Variants in ZNF492 observed in about 807,000 individuals in gnomAD.
The protein encoded by ZNF492 is zinc finger protein 492, also known as zinc finger protein 115 (Y20).
In ZNF492, 3 loss-of-function variants were observed where a neutral mutation model predicts 6.4. That is an observed-to-expected ratio of 0.47 (90% CI 0.21 to 1.22). ZNF492 has a LOEUF of 1.22. Among genes scored for constraint, ZNF492 ranks in the 50% most tolerant of loss-of-function variants. The pLI, the probability that ZNF492 is intolerant of heterozygous loss-of-function variation, is 0.22. For synonymous variants in ZNF492, 112 were observed against 205.3 expected (o/e 0.55, Z 3.89); for missense variants, 356 against 612.5 (o/e 0.58, Z 4.42).
In ZNF492 at chr19:22,667,435, A is replaced by G. The variant is rs1049889499; in HGVS notation, c.*2170A>G. ...TTCAGGCATATAATATTTATGTTAT[A>G]TATGGCATATTCTGATAAGAGGCAT... is the stretch of plus-strand genomic sequence containing the variant. On this transcript the variant is annotated 3_prime_UTR_variant, in exon 4 of 4. Transcript: ENST00000456783. 7.2e-5 allele frequency: 11 copies of G among 152,028 alleles called. No homozygotes were observed. The highest frequency in any genetic ancestry group is 1.5e-4 in the Non-Finnish European group (10 of 68,012). The allele number at this position is 152,028 out of a possible 1,614,324, so 9.4% of individuals were successfully genotyped here.
chr19:22,640,226 G>A (rs985137930), intron 1 of ZNF492, among the ~76,000 whole-genome samples: 5 of 151,554 alleles, frequency 3.3e-5, no homozygotes, highest in Non-Finnish European at 4.4e-5. Flanking sequence ...GCAGTGGCGC[G>A]ATCTCAGCTC....
At chr19:22,661,923 T>C (rs532212015) in intron 3 of ZNF492, among the ~76,000 whole-genome samples, 95 of 152,250 alleles carry the variant, frequency 6.2e-4, no homozygotes, top group African/African-American at 2.1e-3. Flanking sequence ...CTTGCTATAA[T>C]TGTTTCCTGT....
At chr19:22,637,416 C>T (rs906081759) in intron 1 of ZNF492, among the ~76,000 whole-genome samples, 1 of 152,102 alleles carries the variant, frequency 6.6e-6, no homozygotes, top group African/African-American at 2.4e-5. Flanking sequence ...CTTTAGCCCC[C>T]CAAGTAGCTG....
intron 1 of ZNF492, among the ~76,000 whole-genome samples, chr19:22,649,351 A>AC (rs1317924684): frequency 1.3e-5 from 2 of 151,970 alleles, no homozygotes; most frequent in Non-Finnish European, 2.9e-5. Flanking sequence ...CTGTCTGACT[A>AC]CCCTTAACAT....
chr19:22,643,296 A>G (rs1034682571), intron 1 of ZNF492, among the ~76,000 whole-genome samples: 4 of 152,270 alleles, frequency 2.6e-5, no homozygotes, highest in African/African-American at 9.6e-5. Context: ...AATAAAAAAA[A>G]TAAATAAGTG....
At chr19:22,651,395 A>G (rs1353635036) in intron 1 of ZNF492, among the ~76,000 whole-genome samples, 2 of 151,934 alleles carry the variant, frequency 1.3e-5, no homozygotes, top group African/African-American at 2.4e-5. Flanking sequence ...TTTAAGCTAA[A>G]CATGTCTCAG....
intron 1 of ZNF492, among the ~76,000 whole-genome samples, chr19:22,642,126 T>C (rs1029775489): frequency 6.6e-6 from 1 of 152,262 alleles, no homozygotes; most frequent in East Asian, 1.9e-4. Flanking sequence ...CATCTTTCTC[T>C]CTTCTGCTTT....
intron 3 of ZNF492, among the ~76,000 whole-genome samples, chr19:22,655,155 G>A (rs547139984): frequency 2.0e-5 from 3 of 151,614 alleles, no homozygotes; most frequent in Non-Finnish European, 2.9e-5. Flanking sequence ...TTAGTCAGGC[G>A]TGGTGACAGG....
rs1257733815 is a variant in ZNF492, at chr19:22,634,380, C to T, written c.-188C>T. Reference sequence around the variant, plus strand: ...TCTAGTGTTCGCTGTTCTGCGTCCTCTGGTCCTAGAGGCCCATCCTCTGTG... The same window carrying T: ...TCTAGTGTTCGCTGTTCTGCGTCCTTTGGTCCTAGAGGCCCATCCTCTGTG... On this transcript the variant is annotated 5_prime_UTR_variant, in exon 1 of 4. Coordinates refer to ENST00000456783, the MANE Select transcript of ZNF492 (RefSeq NM_020855.3). 2.4e-6 allele frequency: 3 copies of T among 1,232,464 alleles called. No homozygotes were observed. The highest frequency in any genetic ancestry group is 2.7e-5 in the East Asian group (1 of 37,334). The allele number at this position is 1,232,464 out of a possible 1,614,324, so 76.3% of individuals were successfully genotyped here.
rs550726600 is a variant in ZNF492 at position 22,647,985 on chromosome 19, C to T, written c.-93-5322C>T. 1.6e-4 allele frequency among the ~76,000 whole-genome samples: 25 copies of T among 152,140 alleles called. No individual in the cohort carries two copies. In the South Asian group the frequency reaches 4.6e-3, roughly 28 times the overall value. Reference sequence around the variant, plus strand: ...CTGATTTCAGGTGATTTGCCTGCCTCGGCCTCCCAAAATGCTGGGATTACA... The same window carrying T: ...CTGATTTCAGGTGATTTGCCTGCCTTGGCCTCCCAAAATGCTGGGATTACA... On this transcript the variant is annotated intron_variant, in intron 1 of 3. Coordinates refer to ENST00000456783, the MANE Select transcript of ZNF492 (RefSeq NM_020855.3).
intron 3 of ZNF492, 31 bp downstream of exon 3, chr19:22,654,046 T>C (rs3745117): frequency 0.14 from 171,558 of 1,246,212 alleles, 8,804 homozygotes; most frequent in Middle Eastern, 0.18. Flanking sequence ...ATACAACAGA[T>C]GACACAGATG....
chr19:22,658,389 G>T (rs1171210720), intron 3 of ZNF492, among the ~76,000 whole-genome samples: 1 of 151,410 alleles, frequency 6.6e-6, no homozygotes, highest in East Asian at 1.9e-4. Context: ...CCCCAGCTTG[G>T]GTGACAGAGT....
At chr19:22,639,438 C>T (rs1452884689) in intron 1 of ZNF492, among the ~76,000 whole-genome samples, 3 of 151,752 alleles carry the variant, frequency 2.0e-5, no homozygotes, top group Non-Finnish European at 2.9e-5. Context: ...AGGCCTGGCG[C>T]GGTGGCTCAC....
intron 1 of ZNF492, among the ~76,000 whole-genome samples, chr19:22,636,881 G>A (rs1456351703): frequency 1.8e-5 from 2 of 111,884 alleles, no homozygotes; most frequent in Non-Finnish European, 3.5e-5. Flanking sequence ...TGATCTGCCT[G>A]CCTCGGCCTC....
rs1972145139 is a variant in ZNF492, at chr19:22,667,609, TTA to T, written c.*2349_*2350del. The T allele has an allele frequency of 6.6e-6, 1 of 151,954 alleles. No individual in the cohort carries two copies. The highest frequency in any genetic ancestry group is 2.1e-4 in the South Asian group (1 of 4,828). The allele number at this position is 151,954 out of a possible 1,614,324, so 9.4% of individuals were successfully genotyped here. A position where few individuals can be genotyped will look rare whatever the true frequency, so the allele number is the denominator to read the frequency against. ...TACAGGGTTATTTTTATAATAAAAA[TTA>T]TATACAAGTATAAAATTTACACATT... On this transcript the variant is annotated 3_prime_UTR_variant, in exon 4 of 4. Transcript: ENST00000456783.
chr19:22,662,198 C>T (rs1434860611), intron 3 of ZNF492, among the ~76,000 whole-genome samples: 2 of 152,040 alleles, frequency 1.3e-5, no homozygotes, highest in Non-Finnish European at 2.9e-5. Context: ...GTTTTCTGTC[C>T]TTGTGATAGT....
At position 22,653,980 on chromosome 19, in the gene ZNF492, A is replaced by C; in HGVS notation, c.95A>C (p.Asn32Thr). The C allele has an allele frequency of 6.2e-7, 1 of 1,601,520 alleles. No homozygotes were observed. The highest frequency in any genetic ancestry group is 8.5e-7 in the Non-Finnish European group (1 of 1,176,894). ...TCLEQGKEPW[N>T]VKRHEMVAEP... ...CTGGAGCAAGGAAAAGAACCTTGGA[A>C]TGTGAAGAGACATGAGATGGTAGCT... The change falls in exon 3 of 4, where the codon AAT becomes ACT. Residue 32 changes from asparagine (N) to threonine (T), a missense_variant. Physicochemically the swap from Asn to Thr is moderately conservative, Grantham distance 65 (BLOSUM62 0). Transcript: ENST00000456783.
intron 1 of ZNF492, among the ~76,000 whole-genome samples, chr19:22,648,099 T>G (rs906642866): frequency 2.0e-5 from 3 of 152,168 alleles, no homozygotes; most frequent in Non-Finnish European, 4.4e-5. Flanking sequence ...TATGTGGGCA[T>G]TTGGTGCTAT....
intron 3 of ZNF492, among the ~76,000 whole-genome samples, chr19:22,655,817 T>G (rs1971990311): frequency 1.6e-5 from 1 of 63,696 alleles, no homozygotes; most frequent in Non-Finnish European, 2.8e-5. Context: ...TTTCTTGTTG[T>G]TTTTTTTTTT....
Sources: allele counts gnomAD v4.1 joint callset (sites outside exome capture counted in the v4.1 genomes callset), GRCh38; gene constraint gnomAD v4.1.1; transcripts MANE v1.5; gene names NCBI Gene and HGNC (gene_info 2026-07-23, HGNC 2026-07-21).